MAP2K5: variants seen among roughly 807,000 people sequenced by gnomAD.
The protein encoded by MAP2K5 is dual specificity mitogen-activated protein kinase kinase 5.
Under a neutral mutation model 83.1 loss-of-function variants are expected in MAP2K5, and 49 were observed. The observed-to-expected ratio is 0.59, with a 90% CI of 0.47 to 0.75. The LOEUF (loss-of-function observed/expected upper bound fraction) is 0.75. MAP2K5 is among the 30% of genes least tolerant of loss of function. The pLI is 0.00. For synonymous variants in MAP2K5, 202 were observed against 191.8 expected, an observed-to-expected ratio of 1.05 and a Z score of -0.44; for missense variants, 457 against 557.5, an observed-to-expected ratio of 0.82 and a Z score of 1.82.
intron 1 of MAP2K5, chr15:67,549,081 C>T: frequency 6.5e-7 from 1 of 1,528,944 alleles, no homozygotes; most frequent in Non-Finnish European, 8.7e-7. Flanking sequence ...GCTTTGTCAG[C>T]CGGCTGCCTG....
At position 67,668,850 on chromosome 15, in the gene MAP2K5, C is replaced by T. The variant is rs1045541951; in HGVS notation, c.847+4205C>T. Among the ~76,000 whole-genome samples, 1 of 151,786 alleles carries T rather than the reference C, an allele frequency of 6.6e-6. No individual in the cohort carries two copies. The highest frequency in any genetic ancestry group is 1.5e-5 in the Non-Finnish European group (1 of 67,930). On this transcript the variant is annotated intron_variant, in intron 13 of 21. Transcript: ENST00000178640. This position sits in a 1 kb window ranked among gnomAD's most constrained non-coding sequence, Gnocchi z 4.0. ...AAAAAAACCTATATAGTTGGTGTGC[C>T]AGGAGTTTTTTTGTATATATGAACC...
intron 11 of MAP2K5, among the ~76,000 whole-genome samples, chr15:67,655,496 A>G (rs914185014): frequency 6.8e-6 from 1 of 146,826 alleles, no homozygotes; most frequent in African/African-American, 2.5e-5. Context: ...CTGGATATAG[A>G]ATTTTTGGTT....
intron 13 of MAP2K5, among the ~76,000 whole-genome samples, chr15:67,669,074 A>G (rs953703309): frequency 1.3e-5 from 2 of 152,106 alleles, no homozygotes; most frequent in African/African-American, 4.8e-5. Context: ...AGACTTTCCA[A>G]TTAGTGCTAC....
intron 8 of MAP2K5, among the ~76,000 whole-genome samples, chr15:67,610,630 A>G (rs1207341801): frequency 6.6e-6 from 1 of 151,884 alleles, no homozygotes; most frequent in African/African-American, 2.4e-5. Flanking sequence ...TTGCTCTGTC[A>G]TTGGTTACTT....
At chr15:67,772,441 ATTCT>A (rs79107468) in intron 20 of MAP2K5, among the ~76,000 whole-genome samples, 3,201 of 152,328 alleles carry the variant, frequency 0.021, 50 homozygotes, top group African/African-American at 0.035. Context: ...ATTTAAATTC[ATTCT>A]TTATTTGTGT....
chr15:67,708,060 A>G lies in MAP2K5; in HGVS notation c.1044+4652A>G, dbSNP rs1054123636. On this transcript the variant is annotated intron_variant, in intron 16 of 21. Coordinates refer to ENST00000178640, the MANE Select transcript of MAP2K5 (RefSeq NM_145160.3). This position sits in a 1 kb window ranked among gnomAD's most constrained non-coding sequence, Gnocchi z 4.9. ...GCTAGGCCTGGCGGCTCATTCCTGT[A>G]ATACCAGCACTTTGAGAGGCTGAGG... is the stretch of plus-strand genomic sequence containing the variant. Among the ~76,000 whole-genome samples the G allele has an allele frequency of 1.6e-4, 24 of 152,206 alleles. No homozygotes were observed. Among genetic ancestry groups the G allele is most frequent in the African/African-American group, 5.3e-4 (22 of 41,446 alleles).
At chr15:67,763,987 A>T (rs2089998463) in intron 19 of MAP2K5, among the ~76,000 whole-genome samples, 1 of 152,140 alleles carries the variant, frequency 6.6e-6, no homozygotes, top group Admixed American at 6.5e-5. Context: ...ATAGAGTGTG[A>T]CTCTCAATAT....
intron 14 of MAP2K5, among the ~76,000 whole-genome samples, chr15:67,692,830 G>A (rs577154433): frequency 1.6e-4 from 25 of 152,180 alleles, no homozygotes; most frequent in Non-Finnish European, 2.6e-4. Context: ...ATATGAAAGC[G>A]TTTTGGCCAG....
At position 67,714,496 on chromosome 15, in the gene MAP2K5, GTGGCTT is replaced by G. The variant is rs1342745933; in HGVS notation, c.1044+11091_1044+11096del. On this transcript the variant is annotated intron_variant, in intron 16 of 21. Coordinates refer to ENST00000178640, the MANE Select transcript of MAP2K5 (RefSeq NM_145160.3). ...AGCTGTTTCTAATGGGTGTGTGGTTGTGGCTTTGTTTGCTTTTCTAGCCCTTGGTGA... is the reference window on the plus strand; with the variant it reads ...AGCTGTTTCTAATGGGTGTGTGGTTGTGTTTGCTTTTCTAGCCCTTGGTGA... 6.8e-5 allele frequency among the ~76,000 whole-genome samples: 9 copies of G among 132,164 alleles called. No homozygotes were observed. In the East Asian group the frequency reaches 2.1e-3, roughly 31 times the overall value. The allele number at this position is 132,164 out of a possible 152,430, so 86.7% of individuals were successfully genotyped here. A position where few individuals can be genotyped will look rare whatever the true frequency, so the allele number is the denominator to read the frequency against.
chr15:67,617,186 A>G (rs1218486862), intron 8 of MAP2K5, among the ~76,000 whole-genome samples: 1 of 152,306 alleles, frequency 6.6e-6, no homozygotes, highest in East Asian at 1.9e-4. Flanking sequence ...ATGACATAGG[A>G]TATTGTCAGT....
intron 21 of MAP2K5, among the ~76,000 whole-genome samples, chr15:67,773,147 T>C (rs554813237): frequency 2.0e-5 from 3 of 152,194 alleles, no homozygotes; most frequent in Non-Finnish European, 4.4e-5. Flanking sequence ...TAGATTCATG[T>C]AGAATGAAAT....
intron 3 of MAP2K5, among the ~76,000 whole-genome samples, chr15:67,576,928 ATTT>A (rs1312276789): frequency 2.9e-5 from 4 of 136,636 alleles, no homozygotes; most frequent in Admixed American, 7.3e-5. Flanking sequence ...CTATATATAT[ATTT>A]TTTTTTTTTT....
rs920593288 is a variant in MAP2K5, at chr15:67,791,831, G to T, written c.1243-14815G>T. Among the ~76,000 whole-genome samples the T allele has an allele frequency of 2.0e-5, 3 of 152,272 alleles. No individual in the cohort carries two copies. In the South Asian group the frequency reaches 6.2e-4, roughly 32 times the overall value. ...CTCCAAATCAACATATTCAAACTGG[G>T]TTGTCTTTAAATAAATATCCTTACA... On this transcript the variant is annotated intron_variant, in intron 21 of 21. Coordinates refer to ENST00000178640, the MANE Select transcript of MAP2K5 (RefSeq NM_145160.3).
At chr15:67,804,694 A>T (rs937275108) in intron 21 of MAP2K5, among the ~76,000 whole-genome samples, 1 of 152,168 alleles carries the variant, frequency 6.6e-6, no homozygotes, top group African/African-American at 2.4e-5. Flanking sequence ...GCATTCTGGG[A>T]AAGTGACACT....
chr15:67,598,775 C>T (rs1415341876), intron 7 of MAP2K5, among the ~76,000 whole-genome samples: 1 of 152,122 alleles, frequency 6.6e-6, no homozygotes, highest in Non-Finnish European at 1.5e-5. Context: ...AGAGTGTAGA[C>T]TCTATCTACT....
In MAP2K5 at chr15:67,760,845, T is replaced by C. The variant is rs534307953; in HGVS notation, c.1135-8757T>C. 5.3e-5 allele frequency among the ~76,000 whole-genome samples: 8 copies of C among 152,190 alleles called. No individual in the cohort carries two copies. The highest frequency in any genetic ancestry group is 8.8e-5 in the Non-Finnish European group (6 of 68,006). ...ACAATGCTCATTTAATCCACCATGATGGGACCTACACACCCTGAGCCCAAG... is the reference window on the plus strand; with the variant it reads ...ACAATGCTCATTTAATCCACCATGACGGGACCTACACACCCTGAGCCCAAG... On this transcript the variant is annotated intron_variant, in intron 19 of 21. Transcript: ENST00000178640. The surrounding 1 kb of genome is among the most constrained non-coding windows in gnomAD (Gnocchi z 4.1).
intron 8 of MAP2K5, among the ~76,000 whole-genome samples, chr15:67,630,616 T>G (rs957326913): frequency 1.3e-5 from 2 of 152,236 alleles, no homozygotes; most frequent in Non-Finnish European, 2.9e-5. Flanking sequence ...GCAAACTGTT[T>G]AACTTCTCTG....
At chr15:67,633,891 A>T (rs2141094438) in intron 9 of MAP2K5, among the ~76,000 whole-genome samples, 1 of 152,354 alleles carries the variant, frequency 6.6e-6, no homozygotes, top group Middle Eastern at 3.4e-3. Context: ...TTTAATTCTT[A>T]GAAGTGTGTT....
chr15:67,578,815 G>A (rs906971056), intron 3 of MAP2K5, among the ~76,000 whole-genome samples: 4 of 152,088 alleles, frequency 2.6e-5, no homozygotes, highest in African/African-American at 7.2e-5. Flanking sequence ...TCATGCATGC[G>A]AGGTTTTATA....
Sources: allele counts gnomAD v4.1 joint callset (sites outside exome capture counted in the v4.1 genomes callset), GRCh38; gene constraint gnomAD v4.1.1; non-coding constraint Gnocchi (gnomAD v3.1); transcripts MANE v1.5; gene names NCBI Gene and HGNC (gene_info 2026-07-23, HGNC 2026-07-21).